CIITA: variants seen among roughly 807,000 people sequenced by gnomAD.
The protein encoded by CIITA is class II major histocompatibility complex transactivator.
In CIITA, 72 loss-of-function variants were observed where a neutral mutation model predicts 115.1. The observed-to-expected ratio is 0.63, with a 90% CI of 0.52 to 0.76. The LOEUF (loss-of-function observed/expected upper bound fraction) is 0.76. Ranked by LOEUF, CIITA falls within the 30% of genes least tolerant of loss-of-function variation. The pLI is 0.00. For synonymous variants in CIITA, 763 were observed against 635.6 expected (o/e 1.20, Z -3.02); for missense variants, 1,617 against 1,463.8 (o/e 1.10, Z -1.71).
In CIITA at chr16:10,923,239, C is replaced by G; in HGVS notation, c.3329C>G (p.Pro1110Arg). ...PHVETLAMWT[P>R]TIPFSVQEHL... ...ATCCCCCCTTGCAGGATGTGGACGC[C>G]CACCATCCCATTCAGTGTCCAGGAA... is the stretch of plus-strand genomic sequence containing the variant. The change falls in exon 19 of 20, where the codon CCC becomes CGC. Residue 1110 changes from proline to arginine, a missense_variant. Physicochemically the swap from Pro to Arg is moderately radical, Grantham distance 103. Transcript: ENST00000324288. The surrounding 1 kb of genome is among the most constrained non-coding windows in gnomAD (Gnocchi z 5.2). The G allele has an allele frequency of 6.2e-7, 1 of 1,613,402 alleles. No homozygotes were observed. The highest frequency in any genetic ancestry group is 2.2e-5 in the East Asian group (1 of 44,880).
chr16:10,902,540 T>A, intron 7 of CIITA, 118 bp from the exon 8 acceptor site: 1 of 1,279,760 alleles, frequency 7.8e-7, no homozygotes, highest in Non-Finnish European at 1.1e-6. Flanking sequence ...AAACAGCTAC[T>A]GCTCTTAGGG....
chr16:10,892,179 C>G (rs1384225327), intron 1 of CIITA, among the ~76,000 whole-genome samples: 1 of 152,040 alleles, frequency 6.6e-6, no homozygotes, highest in African/African-American at 2.4e-5. Context: ...AAAAAATTAG[C>G]CAGGCATGGT....
At chr16:10,866,228 T>A (rs932864049), upstream of CIITA, 13 of 473,456 alleles carry the variant, frequency 2.7e-5, no homozygotes, top group Non-Finnish European at 4.9e-5. Flanking sequence ...GGATGCTGCA[T>A]GCTGGGTGAG....
intron 1 of CIITA, chr16:10,866,481 A>C (rs757628800): frequency 1.8e-6 from 1 of 562,630 alleles, no homozygotes; most frequent in East Asian, 3.9e-5. Context: ...TACTAGAGAA[A>C]GGAGACCTGG....
intron 1 of CIITA, among the ~76,000 whole-genome samples, chr16:10,877,985 T>TG (rs1384388569): frequency 5.6e-4 from 86 of 152,310 alleles, no homozygotes; most frequent in Non-Finnish European, 1.8e-4. Flanking sequence ...CACCGTTGGC[T>TG]GGGAAGGGTG....
chr16:10,887,391 G>A lies in CIITA; in HGVS notation c.53-7891G>A, dbSNP rs142741788. On this transcript the variant is annotated intron_variant, in intron 1 of 19. Transcript: ENST00000324288. ...TAATGTACTCAGGATCAAAGGCAGA[G>A]CAGAAACTCAAACCATGTCTCTAGG... Among the ~76,000 whole-genome samples the A allele has an allele frequency of 7.4e-4, 112 of 152,294 alleles. 1 individual carries two copies. The highest frequency in any genetic ancestry group is 2.4e-3 in the African/African-American group (98 of 41,564).
In CIITA at chr16:10,911,116, G is replaced by A. The variant is rs539532001; in HGVS notation, c.2888+857G>A. ...AGTCCAGTTGTGTCTGGGTCACTGA[G>A]GAGGGGCAGCCCACCATACATGGGC... is the stretch of plus-strand genomic sequence containing the variant. On this transcript the variant is annotated intron_variant, in intron 13 of 19. Transcript: ENST00000324288. Among the ~76,000 whole-genome samples, 6 of 152,270 alleles carry A rather than the reference G, an allele frequency of 3.9e-5. No individual in the cohort carries two copies. In the South Asian group the frequency reaches 1.2e-3, roughly 32 times the overall value.
Position 10,927,555 on chromosome 16 carries a change from G to A in CIITA, c.*3700G>A, listed in dbSNP as rs1366223164. The A allele has an allele frequency of 6.6e-6, 1 of 152,148 alleles. No individual in the cohort carries two copies. Among genetic ancestry groups the A allele is most frequent in the Non-Finnish European group, 1.5e-5 (1 of 68,050 alleles). 9.4% of individuals were successfully genotyped at this position (152,148 alleles called of 1,614,324 possible). On this transcript the variant is annotated 3_prime_UTR_variant, in exon 20 of 20. Coordinates refer to ENST00000324288, the MANE Select transcript of CIITA (RefSeq NM_000246.4). Reference sequence around the variant, plus strand: ...TTTTAGCAAATTAAAAAAACTCTTTGGACAGGGCTGCCAGGTGAGGTTGGC... The same window carrying A: ...TTTTAGCAAATTAAAAAAACTCTTTAGACAGGGCTGCCAGGTGAGGTTGGC...
rs1056043896 is a variant in CIITA at position 10,901,672 on chromosome 16, C to T, written c.481+114C>T. On this transcript the variant is annotated intron_variant, in intron 6 of 19. Transcript: ENST00000324288. The surrounding 1 kb of genome is among the most constrained non-coding windows in gnomAD (Gnocchi z 6.8). ...GGGATGGTGCATGGTGCAGCCCCTG[C>T]CCTTCTTTGGGTAGAGGCTGAGAGC... The T allele has an allele frequency of 8.5e-7, 1 of 1,182,086 alleles. No individual in the cohort carries two copies. The highest frequency in any genetic ancestry group is 1.2e-6 in the Non-Finnish European group (1 of 816,652). The allele number at this position is 1,182,086 out of a possible 1,614,324, so 73.2% of individuals were successfully genotyped here. A position where few individuals can be genotyped will look rare whatever the true frequency, so the allele number is the denominator to read the frequency against.
upstream of CIITA, among the ~76,000 whole-genome samples, chr16:10,872,636 G>T (rs113575991): frequency 6.6e-6 from 1 of 152,122 alleles, no homozygotes; most frequent in South Asian, 2.1e-4. Context: ...CCATCAGCAG[G>T]TCCAGGTTCT....
chr16:10,913,200 A>G (rs994658031), intron 13 of CIITA, among the ~76,000 whole-genome samples: 1 of 150,438 alleles, frequency 6.6e-6, no homozygotes, highest in Non-Finnish European at 1.5e-5. Context: ...TCATGCCTTC[A>G]CCTCCTCTGG....
At chr16:10,874,027 C>G (rs2035661410), upstream of CIITA, among the ~76,000 whole-genome samples, 2 of 152,180 alleles carry the variant, frequency 1.3e-5, no homozygotes, top group African/African-American at 4.8e-5. Context: ...GAAGCCCAGG[C>G]TGGAGTGCAG....
At position 10,941,434 on chromosome 16, in the gene CIITA, TG is replaced by T; in HGVS notation, n.562del. ...GGCTTAAGAGGAGTCTGGCCATTCC[TG>T]GCATCCAGTTAGACCTGGAGGAGGT... On this transcript the variant is annotated non_coding_transcript_exon_variant, in exon 2 of 2. Transcript: ENST00000573379. The surrounding 1 kb of genome is among the most constrained non-coding windows in gnomAD (Gnocchi z 6.4). 1.1e-6 allele frequency: 1 copy of T among 870,700 alleles called. No homozygotes were observed. Among genetic ancestry groups the T allele is most frequent in the Non-Finnish European group, 1.5e-6 (1 of 656,378 alleles). The allele number at this position is 870,700 out of a possible 1,614,324, so 53.9% of individuals were successfully genotyped here. A position where few individuals can be genotyped will look rare whatever the true frequency, so the allele number is the denominator to read the frequency against.
At chr16:10,895,566 G>C (rs893736672) in intron 2 of CIITA, 103 bp from the exon 3 acceptor site, 5 of 1,560,694 alleles carry the variant, frequency 3.2e-6, no homozygotes, top group Non-Finnish European at 4.4e-6. Flanking sequence ...GACGCTCTCT[G>C]CAGATGGGGA....
chr16:10,937,763 C>T (rs2041049145), downstream of CIITA: 1 of 152,270 alleles, frequency 6.6e-6, no homozygotes, highest in African/African-American at 2.4e-5. This position sits in a 1 kb window ranked among gnomAD's most constrained non-coding sequence, Gnocchi z 4.2. Context: ...GCCCTTTCTC[C>T]TGGGAAGGAG....
chr16:10,908,934 G>T, intron 11 of CIITA, 95 bp from the exon 12 acceptor site: 1 of 1,572,434 alleles, frequency 6.4e-7, no homozygotes, highest in Non-Finnish European at 8.7e-7. Context: ...AGGAAAGAAA[G>T]TATTTTAATA....
intron 1 of CIITA, among the ~76,000 whole-genome samples, chr16:10,886,229 C>G (rs907770350): frequency 6.6e-6 from 1 of 152,090 alleles, no homozygotes; most frequent in African/African-American, 2.4e-5. Flanking sequence ...CGAGTCACCA[C>G]GCCTGGCCAC....
chr16:10,866,531 C>T (rs1456053569), intron 1 of CIITA: 2 of 552,184 alleles, frequency 3.6e-6, no homozygotes, highest in Non-Finnish European at 7.1e-6. Context: ...GGGCTGCAGC[C>T]CCCAGCAGCC....
intron 12 of CIITA, 41 bp downstream of exon 12, chr16:10,909,228 G>T: frequency 1.9e-6 from 3 of 1,605,944 alleles, no homozygotes; most frequent in Non-Finnish European, 2.6e-6. Flanking sequence ...ACGCCATGCA[G>T]GTTGAGGACA....
Sources: allele counts gnomAD v4.1 joint callset (sites outside exome capture counted in the v4.1 genomes callset), GRCh38; gene constraint gnomAD v4.1.1; non-coding constraint Gnocchi (gnomAD v3.1); transcripts MANE v1.5; gene names NCBI Gene and HGNC (gene_info 2026-07-23, HGNC 2026-07-21).